The following NSUN6 variants were observed in gnomAD, a reference collection of about 807,000 sequenced individuals.
The protein encoded by NSUN6 is tRNA (cytosine(72)-C(5))-methyltransferase NSUN6.
NSUN6 carries 64 observed loss-of-function variants against 58.0 expected under a neutral mutation model. The observed-to-expected ratio is 1.10, with a 90% CI of 0.90 to 1.36. The LOEUF (loss-of-function observed/expected upper bound fraction) is 1.36. Ranked by LOEUF, NSUN6 falls within the 40% of genes most tolerant of loss-of-function variation. The pLI, the probability that NSUN6 is intolerant of heterozygous loss-of-function variation, is 0.00. For synonymous variants in NSUN6, 231 were observed against 193.9 expected, an observed-to-expected ratio of 1.19 and a Z score of -1.59; for missense variants, 701 against 550.1, an observed-to-expected ratio of 1.27 and a Z score of -2.74.
intron 10 of NSUN6, among the ~76,000 whole-genome samples, chr10:18,546,504 A>G (rs1382011332): frequency 6.6e-6 from 1 of 152,206 alleles, no homozygotes; most frequent in Admixed American, 6.5e-5. Flanking sequence ...TTCCTCATCT[A>G]TTAAACAAGG....
intron 9 of NSUN6, among the ~76,000 whole-genome samples, chr10:18,550,093 C>T (rs1346264635): frequency 6.6e-6 from 1 of 152,214 alleles, no homozygotes; most frequent in Non-Finnish European, 1.5e-5. Flanking sequence ...TTCTAGTTCT[C>T]TCTGATATAC....
At chr10:18,587,985 G>C (rs1029018903) in intron 7 of NSUN6, among the ~76,000 whole-genome samples, 3 of 152,144 alleles carry the variant, frequency 2.0e-5, no homozygotes, top group Admixed American at 6.5e-5. Context: ...TCACTCAGTA[G>C]GTCCCACTGT....
chr10:18,621,179 G>A (rs993984953), intron 3 of NSUN6, among the ~76,000 whole-genome samples: 1 of 152,164 alleles, frequency 6.6e-6, no homozygotes, highest in South Asian at 2.1e-4. Flanking sequence ...CCAGGCAGTG[G>A]GAATCTACAT....
At chr10:18,571,050 TCTCCA>T (rs1342160335) in intron 8 of NSUN6, among the ~76,000 whole-genome samples, 2 of 149,992 alleles carry the variant, frequency 1.3e-5, no homozygotes, top group Non-Finnish European at 3.0e-5. Context: ...TCCATTCCAC[TCTCCA>T]CTCAATTCTC....
intron 3 of NSUN6, among the ~76,000 whole-genome samples, chr10:18,623,548 G>A (rs1427519235): frequency 6.6e-6 from 1 of 152,152 alleles, no homozygotes; most frequent in East Asian, 1.9e-4. Context: ...AGGACCACAG[G>A]CTTAGTGGAA....
chr10:18,575,213 T>C (rs2056590076), intron 8 of NSUN6, among the ~76,000 whole-genome samples: 1 of 152,164 alleles, frequency 6.6e-6, no homozygotes, highest in African/African-American at 2.4e-5. Flanking sequence ...TATAGGAATT[T>C]ATACCCTGGC....
At chr10:18,585,355 C>A (rs1229591356) in intron 8 of NSUN6, among the ~76,000 whole-genome samples, 1 of 152,164 alleles carries the variant, frequency 6.6e-6, no homozygotes, top group African/African-American at 2.4e-5. Flanking sequence ...AAAGAGATAT[C>A]TGCACTCTCA....
intron 6 of NSUN6, among the ~76,000 whole-genome samples, chr10:18,609,230 G>C (rs2058146252): frequency 6.6e-6 from 1 of 152,130 alleles, no homozygotes; most frequent in Admixed American, 6.6e-5. Flanking sequence ...AAGATCGCTT[G>C]AGCCCAGGAG....
intron 2 of NSUN6, among the ~76,000 whole-genome samples, chr10:18,646,728 G>T (rs2059557627): frequency 6.6e-6 from 1 of 152,156 alleles, no homozygotes; most frequent in Admixed American, 6.5e-5. Flanking sequence ...CTACTTGGGA[G>T]GTTGAGGCAG....
chr10:18,626,585 T>C (rs1049958106), intron 3 of NSUN6, among the ~76,000 whole-genome samples: 2 of 152,156 alleles, frequency 1.3e-5, no homozygotes, highest in Non-Finnish European at 2.9e-5. Context: ...CTGGCCAACA[T>C]GGTGAAACCC....
intron 3 of NSUN6, among the ~76,000 whole-genome samples, chr10:18,638,997 G>A (rs2059311183): frequency 6.8e-6 from 1 of 146,180 alleles, no homozygotes; most frequent in Non-Finnish European, 1.5e-5. Context: ...GCTGGCACTT[G>A]TAATCCTAGC....
At chr10:18,631,425 A>G (rs1260314628) in intron 3 of NSUN6, among the ~76,000 whole-genome samples, 3 of 139,830 alleles carry the variant, frequency 2.1e-5, no homozygotes, top group African/African-American at 8.0e-5. Context: ...AGGAGAAGGA[A>G]ATAAAGGGTA....
chr10:18,634,638 C>T (rs1376807968), intron 3 of NSUN6, among the ~76,000 whole-genome samples: 5 of 151,118 alleles, frequency 3.3e-5, no homozygotes, highest in African/African-American at 7.3e-5. Flanking sequence ...GGCAGGTGCA[C>T]GTAGTCCTAG....
At chr10:18,591,958 T>C (rs2057393568) in intron 7 of NSUN6, among the ~76,000 whole-genome samples, 2 of 152,168 alleles carry the variant, frequency 1.3e-5, no homozygotes, top group Admixed American at 1.3e-4. Context: ...TGACTGTATA[T>C]GTAGAAAACC....
intron 1 of NSUN6, 72 bp downstream of exon 1, chr10:18,651,050 ATACTTAT>A (rs1440223330): frequency 6.5e-7 from 1 of 1,539,686 alleles, no homozygotes; most frequent in African/African-American, 1.4e-5. Flanking sequence ...ATTTCCCTTT[ATACTTAT>A]TTCTATTTCT....
intron 8 of NSUN6, among the ~76,000 whole-genome samples, chr10:18,577,478 T>C (rs952675122): frequency 3.0e-4 from 46 of 152,112 alleles, no homozygotes; most frequent in African/African-American, 1.1e-3. Context: ...CACGCATCCA[T>C]GGGTTGGTAC....
At chr10:18,604,891 T>C (rs992026269) in intron 6 of NSUN6, among the ~76,000 whole-genome samples, 7 of 150,000 alleles carry the variant, frequency 4.7e-5, no homozygotes, top group Non-Finnish European at 7.4e-5. Context: ...TTCTTTTTTT[T>C]TTTTTTCTTT....
intron 6 of NSUN6, among the ~76,000 whole-genome samples, chr10:18,606,442 G>A (rs2058051343): frequency 6.6e-6 from 1 of 152,158 alleles, no homozygotes; most frequent in South Asian, 2.1e-4. Flanking sequence ...GTGGGATCCT[G>A]GATCGGATCC....
At chr10:18,628,368 A>G (rs571692560) in intron 3 of NSUN6, among the ~76,000 whole-genome samples, 125 of 152,310 alleles carry the variant, frequency 8.2e-4, no homozygotes, top group Non-Finnish European at 1.2e-3. Flanking sequence ...CCAAAGGAAT[A>G]CAGTTCCTCA....
Sources: allele counts gnomAD v4.1 joint callset (sites outside exome capture counted in the v4.1 genomes callset), GRCh38; gene constraint gnomAD v4.1.1; transcripts MANE v1.5; gene names NCBI Gene and HGNC (gene_info 2026-07-23, HGNC 2026-07-21).